Variants in HMBOX1 observed in about 807,000 individuals in gnomAD.
HMBOX1 encodes the protein homeobox containing 1, also known as homeobox-containing protein 1.
In HMBOX1, 14 loss-of-function variants were observed where a neutral mutation model predicts 54.5. The ratio of observed to expected loss-of-function variants is 0.26; its 90% confidence interval spans 0.17 to 0.40. HMBOX1 has a LOEUF of 0.40. HMBOX1 is among the 10% of genes least tolerant of loss of function. HMBOX1 has a pLI of 1.00. For missense variants in HMBOX1, 332 were observed against 514.4 expected (o/e 0.65, Z 3.43); for synonymous variants, 160 against 181.0 (o/e 0.88, Z 0.93).
At chr8:28,928,166 A>T (rs540349967) in intron 1 of HMBOX1, among the ~76,000 whole-genome samples, 1 of 152,184 alleles carries the variant, frequency 6.6e-6, no homozygotes, top group Non-Finnish European at 1.5e-5. Context: ...TACTACCATA[A>T]ACAACTGTTC....
At chr8:28,995,631 C>CA (rs1388333522) in intron 4 of HMBOX1, among the ~76,000 whole-genome samples, 4 of 152,194 alleles carry the variant, frequency 2.6e-5, no homozygotes, top group Non-Finnish European at 4.4e-5. Context: ...AATTTCTTCA[C>CA]ATACTCACCA....
At chr8:28,940,138 G>T (rs975022916) in intron 1 of HMBOX1, among the ~76,000 whole-genome samples, 1 of 152,052 alleles carries the variant, frequency 6.6e-6, no homozygotes, top group African/African-American at 2.4e-5. Flanking sequence ...CCTCCTGATA[G>T]CTAAGATTAC....
chr8:29,026,241 A>G (rs1802015552), intron 6 of HMBOX1, among the ~76,000 whole-genome samples: 1 of 152,170 alleles, frequency 6.6e-6, no homozygotes, highest in Non-Finnish European at 1.5e-5. Context: ...TCCAATTCCA[A>G]AAACATTTAT....
At chr8:28,952,158 T>TAAAAAA in intron 1 of HMBOX1, among the ~76,000 whole-genome samples, 1 of 127,802 alleles carries the variant, frequency 7.8e-6, no homozygotes, top group Non-Finnish European at 1.6e-5. Flanking sequence ...GACCCTATCT[T>TAAAAAA]AAAAAAAAAA....
At chr8:29,044,925 T>C (rs187915013) in intron 6 of HMBOX1, among the ~76,000 whole-genome samples, 1 of 151,934 alleles carries the variant, frequency 6.6e-6, no homozygotes, top group African/African-American at 2.4e-5. Context: ...AATTAGACAA[T>C]AAAAAAAAGT....
chr8:28,943,562 A>C (rs1821853694), intron 1 of HMBOX1, among the ~76,000 whole-genome samples: 1 of 152,194 alleles, frequency 6.6e-6, no homozygotes, highest in Non-Finnish European at 1.5e-5. Context: ...AAGGAAAGGA[A>C]GGTCAGAGTG....
chr8:29,031,091 T>A (rs1279114213), intron 6 of HMBOX1, among the ~76,000 whole-genome samples: 1 of 152,246 alleles, frequency 6.6e-6, no homozygotes, highest in Admixed American at 6.5e-5. Flanking sequence ...CTCTAAAACT[T>A]GTTTCAGTGC....
At chr8:28,949,516 G>C (rs1823030509) in intron 1 of HMBOX1, among the ~76,000 whole-genome samples, 1 of 152,148 alleles carries the variant, frequency 6.6e-6, no homozygotes, top group African/African-American at 2.4e-5. Context: ...AATTATCTTG[G>C]AAAATGTTCC....
chr8:28,931,796 C>T (rs937353869), intron 1 of HMBOX1, among the ~76,000 whole-genome samples: 14 of 152,160 alleles, frequency 9.2e-5, no homozygotes, highest in African/African-American at 3.4e-4. Flanking sequence ...CTGCCATGGC[C>T]TCCCAAAGTG....
At chr8:29,009,639 T>C (rs1833969165) in intron 5 of HMBOX1, 7 of 1,249,480 alleles carry the variant, frequency 5.6e-6, no homozygotes, top group Admixed American at 2.9e-5. Flanking sequence ...TTTTTTTTTT[T>C]CTAATTCTAA....
intron 5 of HMBOX1, among the ~76,000 whole-genome samples, chr8:29,012,222 A>T (rs190250849): frequency 8.3e-4 from 126 of 152,344 alleles, no homozygotes; most frequent in African/African-American, 2.8e-3. Context: ...TTGTTGACTA[A>T]AATAACCTTT....
intron 1 of HMBOX1, among the ~76,000 whole-genome samples, chr8:28,948,773 A>G (rs986601926): frequency 1.3e-5 from 2 of 152,182 alleles, no homozygotes; most frequent in African/African-American, 4.8e-5. Flanking sequence ...CTAGCTTAAT[A>G]TAAGATTTTA....
intron 5 of HMBOX1, chr8:29,009,935 G>A (rs529433611): frequency 1.0e-4 from 111 of 1,080,452 alleles, no homozygotes; most frequent in Non-Finnish European, 1.2e-4. Context: ...GTTGCGTTCT[G>A]TAATGCTGCA....
chr8:28,968,900 A>C (rs1259397216), intron 2 of HMBOX1, among the ~76,000 whole-genome samples: 4 of 152,272 alleles, frequency 2.6e-5, no homozygotes, highest in African/African-American at 9.6e-5. Context: ...AAGGCCGAGC[A>C]TGGTGGCTCA....
intron 1 of HMBOX1, among the ~76,000 whole-genome samples, chr8:28,911,255 G>T (rs1013091752): frequency 1.3e-5 from 2 of 152,236 alleles, no homozygotes; most frequent in Admixed American, 1.3e-4. Flanking sequence ...GACCTGGGGG[G>T]AGGGTGCTGT....
intron 1 of HMBOX1, among the ~76,000 whole-genome samples, chr8:28,956,208 A>G (rs946907278): frequency 6.6e-6 from 1 of 152,088 alleles, no homozygotes; most frequent in African/African-American, 2.4e-5. Flanking sequence ...TCTCATTGTT[A>G]AACTGTTATT....
intron 6 of HMBOX1, among the ~76,000 whole-genome samples, chr8:29,038,849 G>A (rs1214734760): frequency 6.6e-6 from 1 of 152,156 alleles, no homozygotes; most frequent in Admixed American, 6.5e-5. Context: ...TGCCTAGAAA[G>A]TTAACTCCAT....
chr8:28,973,554 G>A (rs569599189), intron 3 of HMBOX1, among the ~76,000 whole-genome samples: 3 of 152,120 alleles, frequency 2.0e-5, no homozygotes, highest in South Asian at 4.2e-4. Context: ...AGTATTCTGT[G>A]CCCTTTTAGG....
chr8:28,904,754 C>T (rs1813943632), intron 1 of HMBOX1, among the ~76,000 whole-genome samples: 1 of 151,658 alleles, frequency 6.6e-6, no homozygotes, highest in Non-Finnish European at 1.5e-5. Flanking sequence ...TTGCTCACTG[C>T]AAGCTCTGCC....
Sources: gnomAD v4.1 joint callset for allele counts (sites outside exome capture counted in the v4.1 genomes callset) on GRCh38, gnomAD v4.1.1 for gene constraint, MANE v1.5 for transcripts, NCBI Gene and HGNC (gene_info 2026-07-23, HGNC 2026-07-21) for gene names.